The following LNX2 variants were observed in gnomAD, a reference collection of about 807,000 sequenced individuals.
LNX2 encodes ligand of numb-protein X 2.
A neutral mutation model predicts 66.2 loss-of-function variants in LNX2; 35 were observed. The ratio of observed to expected loss-of-function variants is 0.53; its 90% CI spans 0.40 to 0.70. LNX2 has a LOEUF of 0.70. Among genes scored for constraint, LNX2 ranks in the 30% least tolerant of loss-of-function variants. The probability of loss-of-function intolerance (pLI) is 0.00; values close to 1 mark genes in which losing one functional copy is unlikely to be tolerated. For synonymous variants in LNX2, 337 were observed against 315.6 expected, an observed-to-expected ratio of 1.07 and a Z score of -0.72; for missense variants, 791 against 850.8, an observed-to-expected ratio of 0.93 and a Z score of 0.87.
At chr13:27,568,492 T>TGC (rs1555267511) in intron 3 of LNX2, among the ~76,000 whole-genome samples, 2 of 152,128 alleles carry the variant, frequency 1.3e-5, no homozygotes, top group African/African-American at 4.8e-5. Flanking sequence ...TGCATGGTCT[T>TGC]GGAGTCAAAT....
At chr13:27,610,095 A>C (rs571090206) in intron 1 of LNX2, among the ~76,000 whole-genome samples, 2 of 152,360 alleles carry the variant, frequency 1.3e-5, no homozygotes, top group African/African-American at 4.8e-5. Context: ...AAATCTATTA[A>C]ATAGCCTTCG....
At chr13:27,598,752 G>A (rs920381923) in intron 1 of LNX2, among the ~76,000 whole-genome samples, 2 of 152,100 alleles carry the variant, frequency 1.3e-5, no homozygotes, top group South Asian at 4.1e-4. Context: ...AGTACTTACA[G>A]TATAGTAAAT....
intron 4 of LNX2, among the ~76,000 whole-genome samples, chr13:27,565,321 A>G (rs1323261093): frequency 6.6e-6 from 1 of 152,204 alleles, no homozygotes; most frequent in East Asian, 1.9e-4. Context: ...TTGTAACAAT[A>G]CTGGGCTAGT....
chr13:27,564,178 A>T (rs1017787464), intron 4 of LNX2, among the ~76,000 whole-genome samples: 2 of 152,230 alleles, frequency 1.3e-5, no homozygotes, highest in Non-Finnish European at 1.5e-5. Flanking sequence ...CCATGTGTAA[A>T]CATGCAGCCT....
At chr13:27,600,326 C>T (rs1040032516) in intron 1 of LNX2, among the ~76,000 whole-genome samples, 1 of 152,152 alleles carries the variant, frequency 6.6e-6, no homozygotes, top group African/African-American at 2.4e-5. Flanking sequence ...CCAATGCCAA[C>T]AAAAGGCTAG....
chr13:27,581,915 T>G, intron 1 of LNX2, 112 bp from the exon 2 acceptor site: 1 of 399,068 alleles, frequency 2.5e-6, no homozygotes, highest in East Asian at 3.7e-5. Context: ...AATTAAAGGT[T>G]GAATCAGGTA....
intron 1 of LNX2, among the ~76,000 whole-genome samples, chr13:27,619,758 G>C (rs1955871999): frequency 6.6e-6 from 1 of 152,188 alleles, no homozygotes; most frequent in Non-Finnish European, 1.5e-5. Flanking sequence ...AAAAGCGAGT[G>C]ATGTATTTCC....
Position 27,548,087 on chromosome 13 carries a change from C to G in LNX2, c.*248G>C. ...CTCATTACCATAGGTAACATTTTAA[C>G]AACTAAGTCTGAATTCTGAAAATAT... On this transcript the variant is annotated 3_prime_UTR_variant, in exon 10 of 10. Transcript: ENST00000316334. 2.2e-6 allele frequency: 1 copy of G among 447,506 alleles called. No individual in the cohort carries two copies. 27.7% of individuals were successfully genotyped at this position (447,506 alleles called of 1,614,324 possible).
intron 2 of LNX2, among the ~76,000 whole-genome samples, chr13:27,573,041 G>C (rs1385754968): frequency 6.6e-6 from 1 of 152,214 alleles, no homozygotes; most frequent in Non-Finnish European, 1.5e-5. Flanking sequence ...TTTCTGAAGT[G>C]TGGAAATTAG....
At chr13:27,620,845 C>G (rs971751974), upstream of LNX2, 1 of 153,040 alleles carries the variant, frequency 6.5e-6, no homozygotes, top group Non-Finnish European at 1.5e-5. Flanking sequence ...TGCGCGCACC[C>G]CCGGCCGCCG....
At chr13:27,606,153 T>C (rs992656357) in intron 1 of LNX2, among the ~76,000 whole-genome samples, 1 of 152,150 alleles carries the variant, frequency 6.6e-6, no homozygotes, top group Non-Finnish European at 1.5e-5. Context: ...AACAAATAAT[T>C]TTTAATTAAG....
intron 1 of LNX2, among the ~76,000 whole-genome samples, chr13:27,604,382 A>G (rs1243530295): frequency 1.3e-5 from 2 of 152,244 alleles, no homozygotes; most frequent in Non-Finnish European, 2.9e-5. Context: ...ATGGCTCCTC[A>G]GCTATTGAGC....
At chr13:27,614,907 C>T (rs1955810536) in intron 1 of LNX2, among the ~76,000 whole-genome samples, 1 of 152,158 alleles carries the variant, frequency 6.6e-6, no homozygotes, top group East Asian at 1.9e-4. Flanking sequence ...GCCTTGGAAA[C>T]TGAGAGGAAA....
In LNX2 at chr13:27,583,255, T is replaced by TCAC. The variant is rs1955438310; in HGVS notation, c.-100-1453_-100-1452insGTG. Among the ~76,000 whole-genome samples, 4 of 58,530 alleles carry TCAC rather than the reference T, an allele frequency of 6.8e-5. 1 individual carries two copies. The highest frequency in any genetic ancestry group is 1.4e-3 in the East Asian group (2 of 1,388). 38.4% of individuals were successfully genotyped at this position (58,530 alleles called of 152,430 possible). On this transcript the variant is annotated intron_variant, in intron 1 of 9. Coordinates refer to ENST00000316334, the MANE Select transcript of LNX2 (RefSeq NM_153371.4). ...GTGTGTGTGTGTGTGTGTGTGTGTGTGCGCGCGTCCTCTCCAACATACTTA... is the reference window on the plus strand; with the variant it reads ...GTGTGTGTGTGTGTGTGTGTGTGTGTCACGCGCGCGTCCTCTCCAACATACTTA...
chr13:27,571,936 C>A (rs1353325354), intron 2 of LNX2, among the ~76,000 whole-genome samples: 2 of 152,068 alleles, frequency 1.3e-5, no homozygotes, highest in Admixed American at 1.3e-4. Flanking sequence ...CTCTGTTATC[C>A]CCATTTAAAA....
At chr13:27,562,999 T>C (rs996298407) in intron 4 of LNX2, among the ~76,000 whole-genome samples, 4 of 152,192 alleles carry the variant, frequency 2.6e-5, no homozygotes, top group African/African-American at 9.6e-5. Flanking sequence ...AAGGAGAGAA[T>C]AGTAGCTAGG....
intron 1 of LNX2, among the ~76,000 whole-genome samples, chr13:27,582,344 G>C (rs1241430906): frequency 6.6e-6 from 1 of 151,596 alleles, no homozygotes; most frequent in Non-Finnish European, 1.5e-5. Context: ...TCAAGTTCTT[G>C]ATAAAAAAAC....
At chr13:27,568,634 A>C (rs957537790) in intron 3 of LNX2, among the ~76,000 whole-genome samples, 5 of 152,238 alleles carry the variant, frequency 3.3e-5, no homozygotes, top group Non-Finnish European at 5.9e-5. Context: ...ATACATATAA[A>C]ATGTTTAGCA....
At position 27,581,721 on chromosome 13, in the gene LNX2, T is replaced by C. The variant is rs777069165; in HGVS notation, c.-18A>G. On this transcript the variant is annotated 5_prime_UTR_variant, in exon 2 of 10. Transcript: ENST00000316334. Reference sequence around the variant, plus strand: ...GTTCCCATTTTGAATCAATTCTGTATCCTCATGTGTTAGACTTCCACTTCA... The same window carrying C: ...GTTCCCATTTTGAATCAATTCTGTACCCTCATGTGTTAGACTTCCACTTCA... The C allele has an allele frequency of 1.9e-6, 3 of 1,568,746 alleles. No individual in the cohort carries two copies. Among genetic ancestry groups the C allele is most frequent in the Non-Finnish European group, 2.6e-6 (3 of 1,156,894 alleles).
Sources: gnomAD v4.1 joint callset for allele counts (sites outside exome capture counted in the v4.1 genomes callset) on GRCh38, gnomAD v4.1.1 for gene constraint, MANE v1.5 for transcripts, NCBI Gene and HGNC (gene_info 2026-07-23, HGNC 2026-07-21) for gene names.